The following AGO1 variants were observed in gnomAD, a reference collection of about 807,000 sequenced individuals.
The protein encoded by AGO1 is protein argonaute-1.
AGO1 carries 11 observed loss-of-function variants against 109.2 expected under a neutral mutation model. The observed-to-expected ratio is 0.10, with a 90% CI of 0.06 to 0.17. The LOEUF (loss-of-function observed/expected upper bound fraction) is 0.17. Among genes scored for constraint, AGO1 ranks in the 10% least tolerant of loss-of-function variants. AGO1 has a pLI of 1.00. For synonymous variants in AGO1, 422 were observed against 418.6 expected (o/e 1.01, Z -0.10); for missense variants, 574 against 1,140.3 (o/e 0.50, Z 7.15).
At chr1:35,876,259 T>G (rs1262613926) in intron 1 of AGO1, among the ~76,000 whole-genome samples, 1 of 151,860 alleles carries the variant, frequency 6.6e-6, no homozygotes, top group Non-Finnish European at 1.5e-5. Flanking sequence ...CCTTTTTTTT[T>G]GTTTGTTTTT....
At chr1:35,882,792 G>A, upstream of AGO1, 1 of 985,392 alleles carries the variant, frequency 1.0e-6, no homozygotes, top group Non-Finnish European at 1.2e-6. The surrounding 1 kb of genome is among the most constrained non-coding windows in gnomAD (Gnocchi z 5.1). Context: ...TCGCTTTGCA[G>A]CCAAGGCTTG....
chr1:35,899,621 T>C (rs1645380125), intron 8 of AGO1, among the ~76,000 whole-genome samples: 1 of 152,240 alleles, frequency 6.6e-6, no homozygotes, highest in Non-Finnish European at 1.5e-5. Context: ...CAAATTTCAA[T>C]AATTTTGGAT....
At chr1:35,914,382 A>G in intron 14 of AGO1, 108 bp downstream of exon 14, 1 of 835,712 alleles carries the variant, frequency 1.2e-6, no homozygotes, top group Non-Finnish European at 2.0e-6. Flanking sequence ...CCTTCATAAG[A>G]TGTCCATTTA....
chr1:35,892,688 G>C lies in AGO1; in HGVS notation c.330+11G>C. 6.2e-7 allele frequency: 1 copy of C among 1,614,184 alleles called. No individual in the cohort carries two copies. Among genetic ancestry groups the C allele is most frequent in the Non-Finnish European group, 8.5e-7 (1 of 1,180,018 alleles). ...ATTGGCAACGAACGGGTAAGGTTGG[G>C]AGTCAGGCTAGGCCTGTGTCAGGGG... On this transcript the variant is annotated intron_variant, in intron 3 of 18. Transcript: ENST00000373204.
intron 12 of AGO1, among the ~76,000 whole-genome samples, chr1:35,911,456 A>G (rs1362795316): frequency 2.0e-5 from 3 of 152,036 alleles, no homozygotes; most frequent in Non-Finnish European, 4.4e-5. Flanking sequence ...AAATGTACCC[A>G]GGGTAAAAGC....
chr1:35,915,676 G>A, intron 15 of AGO1, 134 bp downstream of exon 15: 1 of 821,474 alleles, frequency 1.2e-6, no homozygotes, highest in Non-Finnish European at 1.9e-6. Context: ...TAGACTTGGG[G>A]GCAAGGATCG....
chr1:35,881,029 C>A (rs116446231), upstream of AGO1, among the ~76,000 whole-genome samples: 1,020 of 152,304 alleles, frequency 6.7e-3, 11 homozygotes, highest in African/African-American at 0.023. Flanking sequence ...ACTATTACCA[C>A]TGCCATTTTA....
intron 17 of AGO1, 116 bp downstream of exon 17, chr1:35,918,539 T>C (rs1645775754): frequency 1.1e-6 from 1 of 903,478 alleles, no homozygotes; most frequent in African/African-American, 1.6e-5. Context: ...TGCTCTCTTT[T>C]CTGTTTGTTC....
rs908954709 is a variant in AGO1 at position 35,901,839 on chromosome 1, A to G, written c.1141-109A>G. 1.2e-4 allele frequency: 182 copies of G among 1,467,426 alleles called. No individual in the cohort carries two copies. The highest frequency in any genetic ancestry group is 8.0e-5 in the Non-Finnish European group (87 of 1,089,640). 90.9% of individuals were successfully genotyped at this position (1,467,426 alleles called of 1,614,324 possible). On this transcript the variant is annotated intron_variant, in intron 9 of 18. Transcript: ENST00000373204. This position sits in a 1 kb window ranked among gnomAD's most constrained non-coding sequence, Gnocchi z 4.8. ...CCACTTTCTCTCTCTTTTTAGGACT[A>G]TTCCGTACCAACCCCAGCTTCTCCT...
At chr1:35,911,278 C>T (rs1410202135) in intron 12 of AGO1, among the ~76,000 whole-genome samples, 1 of 151,842 alleles carries the variant, frequency 6.6e-6, no homozygotes, top group Non-Finnish European at 1.5e-5. Flanking sequence ...AAAAAGAATC[C>T]CAGGGTCATG....
At chr1:35,883,043 T>C (rs913006588), upstream of AGO1, among the ~76,000 whole-genome samples, 1 of 152,164 alleles carries the variant, frequency 6.6e-6, no homozygotes. This position sits in a 1 kb window ranked among gnomAD's most constrained non-coding sequence, Gnocchi z 5.4. Context: ...CCAAGGCACC[T>C]CTACTGGCGC....
Position 35,922,615 on chromosome 1 carries a change from CCTGCCTGCCTGCCTGT to C in AGO1, c.*3015_*3030del, listed in dbSNP as rs1336375849. ...GCTGGCCGGCCTGCCTGCCTGCCTG[CCTGCCTGCCTGCCTGT>C]CTGCCTATGTGATGATGAAATCTCT... is the stretch of plus-strand genomic sequence containing the variant. On this transcript the variant is annotated 3_prime_UTR_variant, in exon 19 of 19. Transcript: ENST00000373204. The C allele has an allele frequency of 6.5e-6, 1 of 153,388 alleles. No homozygotes were observed. The highest frequency in any genetic ancestry group is 2.4e-5 in the African/African-American group (1 of 41,428). 9.5% of individuals were successfully genotyped at this position (153,388 alleles called of 1,614,324 possible). A position where few individuals can be genotyped will look rare whatever the true frequency, so the allele number is the denominator to read the frequency against.
At chr1:35,882,583 A>G (rs747604187), upstream of AGO1, among the ~76,000 whole-genome samples, 70 of 152,352 alleles carry the variant, frequency 4.6e-4, no homozygotes, top group Non-Finnish European at 7.5e-4. The surrounding 1 kb of genome is among the most constrained non-coding windows in gnomAD (Gnocchi z 5.1). Context: ...TGAACTGTAG[A>G]TGAGAAAGTG....
chr1:35,897,116 C>T (rs114641337), intron 8 of AGO1, among the ~76,000 whole-genome samples: 1 of 152,122 alleles, frequency 6.6e-6, no homozygotes, highest in East Asian at 1.9e-4. Context: ...ATGGAGCTTA[C>T]ATTCTAGAAG....
rs537918276 is a variant in AGO1, at chr1:35,926,478, C to G, written c.*6871C>G. The stretch of plus-strand genomic sequence containing the variant: ...TTGGTATCTCTTGGTGTAGCAGACC[C>G]CAGAATCTCATGGCAATTAGGATTT... On this transcript the variant is annotated 3_prime_UTR_variant, in exon 19 of 19. Transcript: ENST00000373204. 5.9e-5 allele frequency: 9 copies of G among 152,186 alleles called. No homozygotes were observed. Among genetic ancestry groups the G allele is most frequent in the African/African-American group, 2.2e-4 (9 of 41,490 alleles). 9.4% of individuals were successfully genotyped at this position (152,186 alleles called of 1,614,324 possible).
chr1:35,883,372 G>A lies in AGO1; in HGVS notation c.-50G>A, dbSNP rs1478922696. 2 of 1,583,954 alleles carry A rather than the reference G, an allele frequency of 1.3e-6. No homozygotes were observed. Among genetic ancestry groups the A allele is most frequent in the Non-Finnish European group, 8.6e-7 (1 of 1,167,124 alleles). On this transcript the variant is annotated 5_prime_UTR_variant, in exon 1 of 19. Coordinates refer to ENST00000373204, the MANE Select transcript of AGO1 (RefSeq NM_012199.5). The surrounding 1 kb of genome is among the most constrained non-coding windows in gnomAD (Gnocchi z 5.4). ...AGTGTGGGGTACCTAGGCCCCTCAC[G>A]CTGGACTTCACAGTCTCCGGGCCGC...
upstream of AGO1, among the ~76,000 whole-genome samples, chr1:35,881,709 G>T (rs1383457554): frequency 6.6e-6 from 1 of 152,220 alleles, no homozygotes; most frequent in Non-Finnish European, 1.5e-5. Flanking sequence ...ATAAGTGTCA[G>T]AAATTAATCT....
intron 17 of AGO1, 64 bp from the exon 18 acceptor site, chr1:35,918,991 G>A: frequency 7.0e-7 from 1 of 1,419,846 alleles, no homozygotes; most frequent in South Asian, 1.2e-5. Context: ...CAGTGATCCT[G>A]TTCCCCTATT....
In AGO1 at chr1:35,910,068, G is replaced by A. The variant is rs578133178; in HGVS notation, c.1582+2949G>A. Among the ~76,000 whole-genome samples the A allele has an allele frequency of 1.1e-4, 16 of 149,912 alleles. No individual in the cohort carries two copies. The East Asian group carries it at 2.6e-3, about 24-fold the overall frequency. On this transcript the variant is annotated intron_variant, in intron 12 of 18. Transcript: ENST00000373204. The stretch of plus-strand genomic sequence containing the variant: ...CTTCGAGTTTCTTTCATTTACATGC[G>A]GTTCCTTGATTATACCACCTGGACA...
Sources: allele counts gnomAD v4.1 joint callset (sites outside exome capture counted in the v4.1 genomes callset), GRCh38; gene constraint gnomAD v4.1.1; non-coding constraint Gnocchi (gnomAD v3.1); transcripts MANE v1.5; gene names NCBI Gene and HGNC (gene_info 2026-07-23, HGNC 2026-07-21).